Variants in PKD1 observed in about 807,000 individuals in gnomAD.
PKD1 encodes the protein polycystin-1.
Under a neutral mutation model 361.7 loss-of-function variants are expected in PKD1, and 81 were observed. The ratio of observed to expected loss-of-function variants is 0.22; its 90% CI spans 0.19 to 0.27. The LOEUF is 0.27. Ranked by LOEUF, PKD1 falls within the 10% of genes least tolerant of loss-of-function variation. The pLI, the probability that PKD1 is intolerant of heterozygous loss-of-function variation, is 1.00. For synonymous variants in PKD1, 3,615 were observed against 2,818.3 expected, an observed-to-expected ratio of 1.28 and a Z score of -8.95; for missense variants, 6,399 against 6,118.3, an observed-to-expected ratio of 1.05 and a Z score of -1.53.
At chr16:2,096,242 T>C (rs1256191133) in intron 34 of PKD1, among the ~76,000 whole-genome samples, 2 of 152,262 alleles carry the variant, frequency 1.3e-5, no homozygotes, top group African/African-American at 4.8e-5. Context: ...ATGCAGGCCC[T>C]GTGGTGTGGC....
chr16:2,132,737 G>T (rs938590441), intron 1 of PKD1, among the ~76,000 whole-genome samples: 1 of 151,750 alleles, frequency 6.6e-6, no homozygotes, highest in Non-Finnish European at 1.5e-5. Context: ...GCAGTATTGC[G>T]ATGCCCTCCA....
rs2091670834 is a variant in PKD1 at position 2,093,057 on chromosome 16, G to A, written c.11053C>T (p.Leu3685=). Reference sequence around the variant, plus strand: ...GAGGCATCCCCATAGCTGGCCAGCAGGGTCACCAGCAGAAAAAGCATGTAC... The same window carrying A: ...GAGGCATCCCCATAGCTGGCCAGCAAGGTCACCAGCAGAAAAAGCATGTAC... The part of the protein sequence containing the change: ...LVYMLFLLVT[L]LASYGDASCH... Residue 3685 remains leucine, a synonymous_variant, in exon 38 of 46, where the codon CTG becomes TTG. Coordinates refer to ENST00000262304, the MANE Select transcript of PKD1 (RefSeq NM_001009944.3). The A allele has an allele frequency of 5.6e-6, 9 of 1,612,846 alleles. No individual in the cohort carries two copies. Among genetic ancestry groups the A allele is most frequent in the South Asian group, 1.1e-5 (1 of 91,084 alleles).
Position 2,089,100 on chromosome 16 carries a change from G to C in PKD1, c.*627C>G, listed in dbSNP as rs1216604235. On this transcript the variant is annotated 3_prime_UTR_variant, in exon 46 of 46. Transcript: ENST00000262304. ...TGATGAGAGTGCCTGGCAGACAGCT[G>C]TGCCCCCAGCACCGGCCCAAGGCCA... is the stretch of plus-strand genomic sequence containing the variant. 1 of 176,776 alleles carries C rather than the reference G, an allele frequency of 5.7e-6. No homozygotes were observed. Among genetic ancestry groups the C allele is most frequent in the Non-Finnish European group, 1.2e-5 (1 of 82,562 alleles). The allele number at this position is 176,776 out of a possible 1,614,324, so 11.0% of individuals were successfully genotyped here. A position where few individuals can be genotyped will look rare whatever the true frequency, so the allele number is the denominator to read the frequency against.
chr16:2,119,929 G>A (rs1403456413), intron 1 of PKD1: 2 of 689,250 alleles, frequency 2.9e-6, no homozygotes, highest in East Asian at 2.7e-5. Flanking sequence ...AGACCTCCAA[G>A]ACGGCCAGGC....
chr16:2,115,257 C>T, intron 10 of PKD1, 121 bp downstream of exon 10: 1 of 1,135,298 alleles, frequency 8.8e-7, no homozygotes. Flanking sequence ...TCAGAGGTGG[C>T]AAGGACGTGG....
At position 2,110,727 on chromosome 16, in the gene PKD1, C is replaced by T. The variant is rs530392759; in HGVS notation, c.4440G>A (p.Glu1480=). The change falls in exon 15 of 46, where the codon GAG becomes GAA. Residue 1480 remains glutamate, a synonymous_variant. Transcript: ENST00000262304. ...CAGAGAACAGGTACGGCTGCTGCAG[C>T]TCCAGCCCAAGGGAGCCATTGACCT... ...SIKVNGSLGL[E]LQQPYLFSAV... is the part of the protein sequence containing the mutation. The T allele has an allele frequency of 4.3e-6, 7 of 1,610,548 alleles. No individual in the cohort carries two copies. In the South Asian group the frequency reaches 4.4e-5, roughly 10 times the overall value.
At position 2,094,027 on chromosome 16, in the gene PKD1, G is replaced by A. The variant is rs761292073; in HGVS notation, c.10619-14C>T. 4.2e-5 allele frequency: 67 copies of A among 1,591,298 alleles called. No homozygotes were observed. The highest frequency in any genetic ancestry group is 6.0e-6 in the Non-Finnish European group (7 of 1,169,860). On this transcript the variant is annotated splice_polypyrimidine_tract_variant and intron_variant, in intron 35 of 45. Transcript: ENST00000262304. ...CCTCCACCAGTCCTGGGGAAGCAGA[G>A]ACAGACCTGTGAGAGGCAGCTCACA...
In PKD1 at chr16:2,108,344, C is replaced by G. The variant is rs755647251; in HGVS notation, c.6823G>C (p.Val2275Leu). The change falls in exon 15 of 46, where the codon GTG (valine) becomes CTG (leucine). Residue 2275 changes from valine (V) to leucine (L), a missense_variant. Coordinates refer to ENST00000262304, the MANE Select transcript of PKD1 (RefSeq NM_001009944.3). ...TCGTAGGACTCGCTCCCATCCAGCA[C>G]CAGGTCCCGTGTGTCTGACCACACG... ...YRVWSDTRDL[V>L]LDGSESYDPN... 2 of 1,608,606 alleles carry G rather than the reference C, an allele frequency of 1.2e-6. No homozygotes were observed. The highest frequency in any genetic ancestry group is 1.3e-5 in the African/African-American group (1 of 74,964).
Position 2,105,325 on chromosome 16 carries a change from G to A in PKD1, c.8013C>T (p.Cys2671=), listed in dbSNP as rs775664219. ...IQQIAAALAQ[C]MGPSRELVCR... is the part of the protein sequence containing the mutation. ...TGAGCAGGTGGGGCCATCCTACCAT[G>A]CACTGGGCCAGCGCAGCAGCGATCT... The change falls in exon 21 of 46, where the codon TGC becomes TGT. Residue 2671 remains cysteine, a synonymous_variant. Coordinates refer to ENST00000262304, the MANE Select transcript of PKD1 (RefSeq NM_001009944.3). The A allele has an allele frequency of 1.4e-5, 23 of 1,594,150 alleles. No individual in the cohort carries two copies. In the East Asian group the frequency reaches 5.1e-4, roughly 36 times the overall value.
intron 38 of PKD1, 103 bp downstream of exon 38, chr16:2,092,851 G>A (rs2091660480): frequency 4.3e-6 from 6 of 1,402,268 alleles, no homozygotes; most frequent in Non-Finnish European, 6.1e-6. Flanking sequence ...AGTTCTAGCA[G>A]CCACAAAGGT....
At position 2,103,391 on chromosome 16, in the gene PKD1, C is replaced by G; in HGVS notation, c.8666G>C (p.Ser2889Thr). The part of the protein sequence containing the change: ...NSDWAARGHR[S>T]SANSANSVVV... ...AACGGAGTTGGCGGAGTTGGCGGAG[C>G]TGCGGTGGCCCCGGGCAGCCCAGTC... The change falls in exon 23 of 46, where the codon AGC (serine) becomes ACC (threonine). Residue 2889 changes from serine (S) to threonine (T), a missense_variant. Coordinates refer to ENST00000262304, the MANE Select transcript of PKD1 (RefSeq NM_001009944.3). 7 of 1,599,350 alleles carry G rather than the reference C, an allele frequency of 4.4e-6. No homozygotes were observed. Among genetic ancestry groups the G allele is most frequent in the Non-Finnish European group, 5.9e-6 (7 of 1,179,194 alleles).
At chr16:2,113,015 T>G (rs961559291) in intron 12 of PKD1, 52 bp from the exon 13 acceptor site, 1 of 1,536,322 alleles carries the variant, frequency 6.5e-7, no homozygotes, top group African/African-American at 1.4e-5. Flanking sequence ...GGCCTGGCCC[T>G]GATTGGCGTC....
intron 1 of PKD1, among the ~76,000 whole-genome samples, chr16:2,127,344 G>A (rs1477754420): frequency 6.6e-6 from 1 of 152,180 alleles, no homozygotes; most frequent in African/African-American, 2.4e-5. Flanking sequence ...AGGCACCAAT[G>A]GGCAAACACC....
At chr16:2,123,227 G>C (rs3898763) in intron 1 of PKD1, among the ~76,000 whole-genome samples, 1 of 152,136 alleles carries the variant, frequency 6.6e-6, no homozygotes, top group Non-Finnish European at 1.5e-5. Flanking sequence ...CCAAGGCCCA[G>C]AAATGCAGCA....
Position 2,089,605 on chromosome 16 carries a change from C to A in PKD1, c.*122G>T. 2 of 1,227,522 alleles carry A rather than the reference C, an allele frequency of 1.6e-6. No homozygotes were observed. The highest frequency in any genetic ancestry group is 2.0e-5 in the Admixed American group (1 of 49,220). 76.0% of individuals were successfully genotyped at this position (1,227,522 alleles called of 1,614,324 possible). A position where few individuals can be genotyped will look rare whatever the true frequency, so the allele number is the denominator to read the frequency against. On this transcript the variant is annotated 3_prime_UTR_variant, in exon 46 of 46. Transcript: ENST00000262304. ...GCCCACAGACAGACAGATGCCCCTG[C>A]CTGCTCTCTGGGGAACCTACGTGCA...
In PKD1 at chr16:2,089,061, C is replaced by A; in HGVS notation, c.*666G>T. ...CCTGGCCTGGGGCAAGGGAGGATGA[C>A]AAGGCCTCTGGGGTGATGAGAGTGC... On this transcript the variant is annotated 3_prime_UTR_variant, in exon 46 of 46. Coordinates refer to ENST00000262304, the MANE Select transcript of PKD1 (RefSeq NM_001009944.3). 5.2e-6 allele frequency: 1 copy of A among 191,324 alleles called. No individual in the cohort carries two copies. The highest frequency in any genetic ancestry group is 1.1e-5 in the Non-Finnish European group (1 of 91,242). 11.9% of individuals were successfully genotyped at this position (191,324 alleles called of 1,614,324 possible).
intron 24 of PKD1, 52 bp from the exon 25 acceptor site, chr16:2,102,685 G>A: frequency 2.5e-6 from 4 of 1,609,986 alleles, no homozygotes; most frequent in Non-Finnish European, 2.5e-6. Flanking sequence ...CAGGTTGGAT[G>A]TCGCAGTCTC....
At position 2,109,506 on chromosome 16, in the gene PKD1, G is replaced by A. The variant is rs372696163; in HGVS notation, c.5661C>T (p.Ile1887=). ...TGCTGGCCCACAGCACCAGGCCCAC[G>A]ATGGGCTCCTCCGCCGTGAGGTTGT... The part of the protein sequence containing the change: ...ATYNLTAEEP[I]VGLVLWASSK... The change falls in exon 15 of 46, where the codon ATC becomes ATT. Residue 1887 remains isoleucine (I), a synonymous_variant. Coordinates refer to ENST00000262304, the MANE Select transcript of PKD1 (RefSeq NM_001009944.3). The A allele has an allele frequency of 5.4e-5, 87 of 1,609,892 alleles. No homozygotes were observed. The highest frequency in any genetic ancestry group is 6.7e-5 in the East Asian group (3 of 44,834).
Position 2,119,232 on chromosome 16 carries a change from C to A in PKD1, c.288-47G>T, listed in dbSNP as rs746234966. The A allele has an allele frequency of 2.1e-6, 3 of 1,450,668 alleles. No individual in the cohort carries two copies. In the East Asian group the frequency reaches 7.0e-5, roughly 34 times the overall value. The allele number at this position is 1,450,668 out of a possible 1,614,324, so 89.9% of individuals were successfully genotyped here. ...GCAAAGCTGATGGAAGCCCCCACAGCTGAGCAGCAAGAGGCGGTGCCGCCA... is the reference window on the plus strand; with the variant it reads ...GCAAAGCTGATGGAAGCCCCCACAGATGAGCAGCAAGAGGCGGTGCCGCCA... On this transcript the variant is annotated intron_variant, in intron 2 of 45. Transcript: ENST00000262304.
Sources: gnomAD v4.1 joint callset for allele counts (sites outside exome capture counted in the v4.1 genomes callset) on GRCh38, gnomAD v4.1.1 for gene constraint, MANE v1.5 for transcripts, NCBI Gene and HGNC (gene_info 2026-07-23, HGNC 2026-07-21) for gene names.